CENPP: variants seen among roughly 807,000 people sequenced by gnomAD.
CENPP encodes centromere protein P.
CENPP carries 24 observed loss-of-function variants against 35.6 expected under a neutral mutation model. The observed-to-expected ratio is 0.67, with a 90% CI of 0.49 to 0.95. The LOEUF is 0.95. Ranked by LOEUF, CENPP falls within the 40% of genes least tolerant of loss-of-function variation. The pLI, the probability that CENPP is intolerant of heterozygous loss-of-function variation, is 0.00. For missense variants in CENPP, 332 were observed against 345.3 expected (o/e 0.96, Z 0.31); for synonymous variants, 120 against 125.5 (o/e 0.96, Z 0.29).
chr9:92,573,590 A>C (rs928210858), intron 5 of CENPP, among the ~76,000 whole-genome samples: 1 of 152,076 alleles, frequency 6.6e-6, no homozygotes, highest in East Asian at 1.9e-4. Flanking sequence ...TCAGATCTCA[A>C]ACTCCGTGCT....
chr9:92,465,299 C>T (rs968159178), intron 5 of CENPP, among the ~76,000 whole-genome samples: 4 of 152,224 alleles, frequency 2.6e-5, no homozygotes, highest in Non-Finnish European at 5.9e-5. Flanking sequence ...TTTTCACTCT[C>T]CTCCAACCAT....
intron 5 of CENPP, among the ~76,000 whole-genome samples, chr9:92,530,285 T>C (rs1379305115): frequency 1.3e-5 from 2 of 152,054 alleles, no homozygotes; most frequent in Non-Finnish European, 2.9e-5. Flanking sequence ...ACTATGGACA[T>C]TGGGTGATAA....
rs1851397168 is a variant in CENPP at position 92,615,258 on chromosome 9, G to T, written c.*2109G>T. The T allele has an allele frequency of 6.5e-6, 1 of 154,614 alleles. No individual in the cohort carries two copies. Among genetic ancestry groups the T allele is most frequent in the Admixed American group, 6.4e-5 (1 of 15,604 alleles). 9.6% of individuals were successfully genotyped at this position (154,614 alleles called of 1,614,324 possible). A position where few individuals can be genotyped will look rare whatever the true frequency, so the allele number is the denominator to read the frequency against. ...CTGTGGGCTTCAGCACCTCCACAGG[G>T]ACCCTGAGTCTACACTGCTCAGAAT... On this transcript the variant is annotated 3_prime_UTR_variant, in exon 8 of 8. Coordinates refer to ENST00000375587, the MANE Select transcript of CENPP (RefSeq NM_001012267.3).
At chr9:92,471,065 G>A (rs756915238) in intron 5 of CENPP, among the ~76,000 whole-genome samples, 4 of 152,218 alleles carry the variant, frequency 2.6e-5, no homozygotes, top group Non-Finnish European at 5.9e-5. Context: ...CTTAGTGGCT[G>A]TGAGAAGGTG....
intron 5 of CENPP, among the ~76,000 whole-genome samples, chr9:92,559,556 C>T (rs965897803): frequency 6.6e-6 from 1 of 152,118 alleles, no homozygotes; most frequent in African/African-American, 2.4e-5. Flanking sequence ...TTCTTGCAGT[C>T]GATCTGGAGC....
At chr9:92,461,548 G>T (rs1473676584) in intron 5 of CENPP, among the ~76,000 whole-genome samples, 2 of 152,136 alleles carry the variant, frequency 1.3e-5, no homozygotes, top group African/African-American at 4.8e-5. Context: ...TTGGCTGACA[G>T]CTTCCATGTG....
At position 92,332,304 on chromosome 9, in the gene CENPP, A is replaced by T. The variant is rs754128466; in HGVS notation, c.242A>T (p.His81Leu). 1.2e-6 allele frequency: 2 copies of T among 1,609,942 alleles called. No homozygotes were observed. The highest frequency in any genetic ancestry group is 2.7e-5 in the African/African-American group (2 of 74,696). Reference protein sequence around the residue: ...STLTGINIRNHSKQTEDLTST... With the variant: ...STLTGINIRNLSKQTEDLTST... ...CTTACTGGCATCAATATAAGAAATCACTCCAAGCAGACAGAAGACCTAACA... is the reference window on the plus strand; with the variant it reads ...CTTACTGGCATCAATATAAGAAATCTCTCCAAGCAGACAGAAGACCTAACA... Residue 81 changes from histidine to leucine, a missense_variant, in exon 2 of 8, where the codon CAC becomes CTC. His to Leu is a moderately conservative substitution (Grantham distance 99). Coordinates refer to ENST00000375587, the MANE Select transcript of CENPP (RefSeq NM_001012267.3).
intron 5 of CENPP, among the ~76,000 whole-genome samples, chr9:92,454,910 T>A (rs1214611770): frequency 6.6e-6 from 1 of 152,204 alleles, no homozygotes; most frequent in Non-Finnish European, 1.5e-5. Context: ...ACTCATACCA[T>A]GGTCTTCCCT....
intron 5 of CENPP, among the ~76,000 whole-genome samples, chr9:92,491,284 T>C (rs1376680962): frequency 6.6e-6 from 1 of 152,168 alleles, no homozygotes; most frequent in Non-Finnish European, 1.5e-5. Context: ...CTGTCCTGGG[T>C]AGCGGCACAG....
At chr9:92,548,148 G>A (rs563186921) in intron 5 of CENPP, among the ~76,000 whole-genome samples, 47 of 152,244 alleles carry the variant, frequency 3.1e-4, no homozygotes, top group African/African-American at 1.1e-3. Flanking sequence ...TGCTGCATGT[G>A]TGTCACTAGG....
chr9:92,545,476 T>G (rs1486062860), intron 5 of CENPP, among the ~76,000 whole-genome samples: 1 of 152,126 alleles, frequency 6.6e-6, no homozygotes, highest in Non-Finnish European at 1.5e-5. Flanking sequence ...GGGCCTTAGC[T>G]GCCTCCCCGC....
At chr9:92,376,779 G>A (rs1842134110) in intron 4 of CENPP, among the ~76,000 whole-genome samples, 2 of 152,090 alleles carry the variant, frequency 1.3e-5, no homozygotes, top group South Asian at 2.1e-4. Flanking sequence ...AGTGGCTCAC[G>A]CCTGTAATCC....
At chr9:92,455,745 A>G (rs752078868) in intron 5 of CENPP, among the ~76,000 whole-genome samples, 1 of 152,208 alleles carries the variant, frequency 6.6e-6, no homozygotes, top group Admixed American at 6.5e-5. Context: ...TGTTATTATT[A>G]TATGTATTAA....
chr9:92,369,090 T>G (rs1355715577), intron 4 of CENPP, among the ~76,000 whole-genome samples: 1 of 152,188 alleles, frequency 6.6e-6, no homozygotes, highest in African/African-American at 2.4e-5. Context: ...TTATTATTAC[T>G]AACAACTAAT....
In CENPP at chr9:92,337,585, C is replaced by T. The variant is rs1286718260; in HGVS notation, c.334C>T (p.His112Tyr). 7 of 1,609,088 alleles carry T rather than the reference C, an allele frequency of 4.4e-6. No individual in the cohort carries two copies. The highest frequency in any genetic ancestry group is 1.3e-5 in the African/African-American group (1 of 74,742). ...GAGACACAGATTATCAGGAAATTGC[C>T]ACATGGTTACATTTCAACTTGAATT... The part of the protein sequence containing the change: ...LQRHRLSGNC[H>Y]MVTFQLEFQI... Residue 112 changes from histidine (H) to tyrosine (Y), a missense_variant, in exon 3 of 8, where the codon CAC (histidine) becomes TAC (tyrosine). Coordinates refer to ENST00000375587, the MANE Select transcript of CENPP (RefSeq NM_001012267.3).
Position 92,337,609 on chromosome 9 carries a change from T to C in CENPP, c.358T>C (p.Phe120Leu). 1 of 1,602,508 alleles carries C rather than the reference T, an allele frequency of 6.2e-7. No homozygotes were observed. Among genetic ancestry groups the C allele is most frequent in the Non-Finnish European group, 8.6e-7 (1 of 1,169,486 alleles). Residue 120 changes from phenylalanine to leucine, a missense_variant, in exon 3 of 8, where the codon TTT becomes CTT. Phe to Leu is a conservative substitution (Grantham distance 22). Coordinates refer to ENST00000375587, the MANE Select transcript of CENPP (RefSeq NM_001012267.3). ...CCACATGGTTACATTTCAACTTGAA[T>C]TTCAGATTCTGGAAATTCAGGTAAA... ...NCHMVTFQLE[F>L]QILEIQNKER...
At chr9:92,509,778 G>T in intron 5 of CENPP, 1 of 1,099,538 alleles carries the variant, frequency 9.1e-7, no homozygotes, top group Non-Finnish European at 1.2e-6. Flanking sequence ...AACTCAAATG[G>T]TTAAGTGACC....
intron 5 of CENPP, among the ~76,000 whole-genome samples, chr9:92,472,589 C>T (rs188385289): frequency 2.6e-4 from 40 of 151,960 alleles, no homozygotes; most frequent in Admixed American, 7.9e-4. Context: ...ACCCAGGAGA[C>T]GGAAGTTGCA....
chr9:92,572,854 T>C (rs1294821861), intron 5 of CENPP, among the ~76,000 whole-genome samples: 2 of 152,220 alleles, frequency 1.3e-5, no homozygotes, highest in African/African-American at 2.4e-5. Context: ...CTTCAATCAC[T>C]GATACCCTTT....
Sources: allele counts gnomAD v4.1 joint callset (sites outside exome capture counted in the v4.1 genomes callset), GRCh38; gene constraint gnomAD v4.1.1; transcripts MANE v1.5; gene names NCBI Gene and HGNC (gene_info 2026-07-23, HGNC 2026-07-21).